AFG2A: variants seen among roughly 807,000 people sequenced by gnomAD.
AFG2A encodes the protein ATPase family gene 2 protein homolog A.
chr4:123,151,855 A>T, the AFG2A span, among the ~76,000 whole-genome samples: 6 of 152,224 alleles, frequency 3.9e-5, no homozygotes, highest in Non-Finnish European at 8.8e-5. Flanking sequence ...TATTCACAAT[A>T]GTAAAAACTT....
chr4:123,184,496 G>C, the AFG2A span, among the ~76,000 whole-genome samples: 3 of 147,428 alleles, frequency 2.0e-5, no homozygotes, highest in Non-Finnish European at 4.5e-5. Context: ...TATATATAAA[G>C]TGCATTCCTT....
chr4:123,201,387 G>T, the AFG2A span, among the ~76,000 whole-genome samples: 1 of 152,032 alleles, frequency 6.6e-6, no homozygotes, highest in Non-Finnish European at 1.5e-5. Flanking sequence ...TCAGAACATC[G>T]ACAAAAACAC....
chr4:123,160,690 C>T, the AFG2A span, among the ~76,000 whole-genome samples: 6 of 152,104 alleles, frequency 3.9e-5, no homozygotes, highest in Admixed American at 2.6e-4. Flanking sequence ...ATGCATAGAG[C>T]AGTTACCTCT....
the AFG2A span, among the ~76,000 whole-genome samples, chr4:123,269,034 T>C: frequency 6.6e-6 from 1 of 152,244 alleles, no homozygotes; most frequent in Admixed American, 6.5e-5. Flanking sequence ...AAGTATTGTC[T>C]GAAGAAACCA....
the AFG2A span, chr4:122,934,358 T>C: frequency 0.013 from 20,589 of 1,614,192 alleles, 179 homozygotes; most frequent in Non-Finnish European, 0.015. Flanking sequence ...TATAAACCAA[T>C]TGATGACAGA....
At chr4:123,005,267 C>T in the AFG2A span, among the ~76,000 whole-genome samples, 1 of 152,148 alleles carries the variant, frequency 6.6e-6, no homozygotes, top group African/African-American at 2.4e-5. Flanking sequence ...TTTCATGCCT[C>T]AGCCACTTGA....
the AFG2A span, among the ~76,000 whole-genome samples, chr4:123,149,450 T>C: frequency 6.6e-6 from 1 of 152,142 alleles, no homozygotes; most frequent in East Asian, 1.9e-4. Flanking sequence ...AAATAGAAAA[T>C]GAAGACCGAA....
At chr4:123,054,872 T>A in the AFG2A span, among the ~76,000 whole-genome samples, 4 of 152,152 alleles carry the variant, frequency 2.6e-5, no homozygotes, top group Non-Finnish European at 4.4e-5. Flanking sequence ...CTTAAACTTG[T>A]TCCTCATTAT....
At chr4:123,160,832 A>C in the AFG2A span, among the ~76,000 whole-genome samples, 1 of 152,156 alleles carries the variant, frequency 6.6e-6, no homozygotes, top group Non-Finnish European at 1.5e-5. Context: ...TTTCTTATAC[A>C]TACATACCTA....
chr4:123,147,510 G>C, the AFG2A span, among the ~76,000 whole-genome samples: 55 of 152,122 alleles, frequency 3.6e-4, no homozygotes, highest in South Asian at 5.8e-3. Flanking sequence ...AATTAAAAAA[G>C]ATTTTCAGTT....
At chr4:123,031,977 T>C in the AFG2A span, among the ~76,000 whole-genome samples, 3 of 152,214 alleles carry the variant, frequency 2.0e-5, no homozygotes, top group Non-Finnish European at 4.4e-5. Flanking sequence ...TAAAATACTT[T>C]CCAGTTGAAA....
chr4:122,992,516 A>G, the AFG2A span, among the ~76,000 whole-genome samples: 1 of 152,232 alleles, frequency 6.6e-6, no homozygotes, highest in Non-Finnish European at 1.5e-5. Context: ...ATTTCTGCAG[A>G]TGGTTAATAC....
At chr4:123,204,542 C>T in the AFG2A span, among the ~76,000 whole-genome samples, 1 of 152,040 alleles carries the variant, frequency 6.6e-6, no homozygotes, top group East Asian at 1.9e-4. Flanking sequence ...TGCACATTTT[C>T]CTTTGGATAT....
chr4:123,193,619 G>T, the AFG2A span, among the ~76,000 whole-genome samples: 45 of 152,196 alleles, frequency 3.0e-4, no homozygotes, highest in South Asian at 6.9e-3. Context: ...GCTGTTCTCT[G>T]GTGTACAATT....
At chr4:123,096,065 C>T in the AFG2A span, among the ~76,000 whole-genome samples, 2 of 152,028 alleles carry the variant, frequency 1.3e-5, no homozygotes, top group African/African-American at 4.8e-5. Context: ...TCAAGAACTG[C>T]GTTATTTTAC....
chr4:123,290,883 G>A, the AFG2A span, among the ~76,000 whole-genome samples: 1 of 152,162 alleles, frequency 6.6e-6, no homozygotes, highest in Non-Finnish European at 1.5e-5. Flanking sequence ...ATCTACTGCT[G>A]TTGGTGGAGC....
the AFG2A span, among the ~76,000 whole-genome samples, chr4:122,998,535 C>A: frequency 6.6e-6 from 1 of 151,178 alleles, no homozygotes; most frequent in African/African-American, 2.4e-5. Context: ...TTATTCAATT[C>A]CCACCTATGA....
chr4:122,933,648 A>G, the AFG2A span: 2 of 645,466 alleles, frequency 3.1e-6, no homozygotes, highest in South Asian at 4.1e-5. Context: ...CTTTTAAGAT[A>G]GGGATGTGCT....
At chr4:122,930,285 G>A in the AFG2A span, among the ~76,000 whole-genome samples, 4 of 152,068 alleles carry the variant, frequency 2.6e-5, no homozygotes, top group African/African-American at 9.7e-5. Context: ...TATCGACTTG[G>A]TTTGCATATA....
Sources: gnomAD v4.1 joint callset for allele counts (sites outside exome capture counted in the v4.1 genomes callset) on GRCh38, gnomAD v4.1.1 for gene constraint, MANE v1.5 for transcripts, NCBI Gene and HGNC (gene_info 2026-07-23, HGNC 2026-07-21) for gene names.